Variants in SYT9 observed in about 807,000 individuals in gnomAD.
SYT9 encodes the protein synaptotagmin-9.
Under a neutral mutation model 48.4 loss-of-function variants are expected in SYT9, and 22 were observed. The observed-to-expected ratio is 0.45, with a 90% CI of 0.32 to 0.65. The LOEUF is 0.65. Among genes scored for constraint, SYT9 ranks in the 30% least tolerant of loss-of-function variants. The pLI, the probability that SYT9 is intolerant of heterozygous loss-of-function variation, is 0.03. For synonymous variants in SYT9, 265 were observed against 245.0 expected (o/e 1.08, Z -0.76); for missense variants, 577 against 622.0 (o/e 0.93, Z 0.77).
chr11:7,306,019 G>A (rs1849024425), intron 2 of SYT9, among the ~76,000 whole-genome samples: 1 of 152,102 alleles, frequency 6.6e-6, no homozygotes, highest in Admixed American at 6.5e-5. Flanking sequence ...ATGACTTTCT[G>A]TTGTTCTTTC....
chr11:7,248,017 A>G (rs1394584176), upstream of SYT9, among the ~76,000 whole-genome samples: 3 of 152,126 alleles, frequency 2.0e-5, no homozygotes, highest in Non-Finnish European at 4.4e-5. Flanking sequence ...GATTATGGTC[A>G]TTCTTGCAGG....
chr11:7,464,203 A>C (rs1456432489), intron 6 of SYT9, among the ~76,000 whole-genome samples: 3 of 152,208 alleles, frequency 2.0e-5, no homozygotes, highest in Non-Finnish European at 4.4e-5. Flanking sequence ...GCATGTCACT[A>C]GCTGGGGGAA....
intron 1 of SYT9, among the ~76,000 whole-genome samples, chr11:7,263,342 C>T (rs898651278): frequency 6.6e-6 from 1 of 152,264 alleles, no homozygotes; most frequent in Admixed American, 6.5e-5. Context: ...GGGTTTCTTT[C>T]ATAAGGGCAT....
At chr11:7,387,583 A>C (rs1365401859) in intron 3 of SYT9, among the ~76,000 whole-genome samples, 1 of 152,126 alleles carries the variant, frequency 6.6e-6, no homozygotes, top group East Asian at 1.9e-4. Flanking sequence ...TTATTTCACT[A>C]AGACCTCAAA....
At chr11:7,419,818 C>T (rs1414489597) in intron 5 of SYT9, among the ~76,000 whole-genome samples, 1 of 152,156 alleles carries the variant, frequency 6.6e-6, no homozygotes, top group African/African-American at 2.4e-5. Context: ...ATTGCTTGAA[C>T]CCGGGAGCTG....
Position 7,467,080 on chromosome 11 carries a change from T to C in SYT9, c.*280T>C, listed in dbSNP as rs1848351437. 2.2e-6 allele frequency: 1 copy of C among 453,294 alleles called. No individual in the cohort carries two copies. Among genetic ancestry groups the C allele is most frequent in the East Asian group, 3.5e-5 (1 of 28,344 alleles). 28.1% of individuals were successfully genotyped at this position (453,294 alleles called of 1,614,324 possible). On this transcript the variant is annotated 3_prime_UTR_variant, in exon 7 of 7. Transcript: ENST00000318881. ...TATGAACAAAAACAAATGATAGATA[T>C]AGTGACAGTACCAAGAGTACCAGGA... is the stretch of plus-strand genomic sequence containing the variant.
chr11:7,277,098 A>G (rs551560617), intron 1 of SYT9, among the ~76,000 whole-genome samples: 4 of 152,152 alleles, frequency 2.6e-5, no homozygotes, highest in South Asian at 4.2e-4. Context: ...ATTATCTGCC[A>G]TGTGTCTGCC....
At chr11:7,417,169 T>A (rs1847268015) in intron 4 of SYT9, among the ~76,000 whole-genome samples, 1 of 83,940 alleles carries the variant, frequency 1.2e-5, no homozygotes, top group African/African-American at 3.4e-5. Flanking sequence ...AGTGTTTTTG[T>A]TTTTTTAAGC....
At chr11:7,441,609 A>ATCCT (rs1029290061) in intron 6 of SYT9, 3 of 152,184 alleles carry the variant, frequency 2.0e-5, no homozygotes, top group African/African-American at 7.2e-5. Flanking sequence ...CTATTGGGCC[A>ATCCT]TCCTTCCTTC....
At chr11:7,248,588 C>CCTT (rs2119737529), upstream of SYT9, among the ~76,000 whole-genome samples, 1 of 152,102 alleles carries the variant, frequency 6.6e-6, no homozygotes, top group African/African-American at 2.4e-5. Context: ...AAAAGGGTGT[C>CCTT]CTTTCCAAAT....
chr11:7,244,726 T>C (rs999616461), intron 1 of SYT9, among the ~76,000 whole-genome samples: 2 of 152,196 alleles, frequency 1.3e-5, no homozygotes, highest in East Asian at 1.9e-4. Context: ...TAAAACAAAA[T>C]GACAATTAAT....
chr11:7,259,260 A>G (rs1331875728), intron 1 of SYT9, among the ~76,000 whole-genome samples: 1 of 152,146 alleles, frequency 6.6e-6, no homozygotes, highest in African/African-American at 2.4e-5. Flanking sequence ...TATTTCTATT[A>G]TTATAATTTT....
intron 3 of SYT9, among the ~76,000 whole-genome samples, chr11:7,345,485 T>C (rs1037558435): frequency 6.6e-5 from 10 of 152,212 alleles, no homozygotes; most frequent in African/African-American, 1.9e-4. Flanking sequence ...TATGTGAGAA[T>C]TGAAGAAAGA....
chr11:7,426,581 G>A (rs1847462528), intron 6 of SYT9, among the ~76,000 whole-genome samples: 1 of 152,118 alleles, frequency 6.6e-6, no homozygotes, highest in Non-Finnish European at 1.5e-5. Context: ...AAGTTACATG[G>A]TCATTTCTAC....
chr11:7,465,501 T>C (rs1848315027), intron 6 of SYT9, among the ~76,000 whole-genome samples: 2 of 152,214 alleles, frequency 1.3e-5, no homozygotes, highest in Admixed American at 1.3e-4. Context: ...TATTACTACA[T>C]TTAATCTGTG....
At chr11:7,411,123 A>G (rs1329594980) in intron 3 of SYT9, among the ~76,000 whole-genome samples, 1 of 152,192 alleles carries the variant, frequency 6.6e-6, no homozygotes, top group African/African-American at 2.4e-5. Context: ...CCAAAATGCT[A>G]GGATTGCAGG....
At chr11:7,279,935 A>G (rs1848464221) in intron 1 of SYT9, among the ~76,000 whole-genome samples, 1 of 152,224 alleles carries the variant, frequency 6.6e-6, no homozygotes, top group Non-Finnish European at 1.5e-5. Context: ...TTTGAGCAGT[A>G]AAATGGGATT....
At chr11:7,345,221 C>T (rs1236118753) in intron 3 of SYT9, among the ~76,000 whole-genome samples, 1 of 152,186 alleles carries the variant, frequency 6.6e-6, no homozygotes, top group Non-Finnish European at 1.5e-5. Context: ...AGTCCGTTTC[C>T]TCAACTGAGG....
At chr11:7,374,772 T>G (rs1275232666) in intron 3 of SYT9, among the ~76,000 whole-genome samples, 17 of 152,172 alleles carry the variant, frequency 1.1e-4, no homozygotes, top group South Asian at 1.0e-3. Flanking sequence ...GGGTTGATTG[T>G]TTTTTTCTTG....
Sources: gnomAD v4.1 joint callset for allele counts (sites outside exome capture counted in the v4.1 genomes callset) on GRCh38, gnomAD v4.1.1 for gene constraint, MANE v1.5 for transcripts, NCBI Gene and HGNC (gene_info 2026-07-23, HGNC 2026-07-21) for gene names.